The following DAB1 variants were observed in gnomAD, a reference collection of about 807,000 sequenced individuals.
The protein encoded by DAB1 is disabled homolog 1.
Under a neutral mutation model 64.6 loss-of-function variants are expected in DAB1, and 15 were observed. The observed-to-expected ratio is 0.23, with a 90% CI of 0.16 to 0.36. DAB1 has a LOEUF of 0.36. Ranked by LOEUF, DAB1 falls within the 10% of genes least tolerant of loss-of-function variation. The pLI, the probability that DAB1 is intolerant of heterozygous loss-of-function variation, is 1.00. For synonymous variants in DAB1, 235 were observed against 251.9 expected (o/e 0.93, Z 0.64); for missense variants, 596 against 706.7 (o/e 0.84, Z 1.78).
At chr1:57,141,658 T>C (rs1457616672) in intron 3 of DAB1, among the ~76,000 whole-genome samples, 1 of 152,174 alleles carries the variant, frequency 6.6e-6, no homozygotes, top group Non-Finnish European at 1.5e-5. Context: ...CTGACTGACA[T>C]ACTTAAGGTT....
At chr1:57,435,529 T>C (rs1685663683) in intron 7 of DAB1, among the ~76,000 whole-genome samples, 1 of 152,184 alleles carries the variant, frequency 6.6e-6, no homozygotes, top group South Asian at 2.1e-4. Context: ...CTTTTTTCTA[T>C]TTTTAAATTT....
At position 58,321,129 on chromosome 1, in the gene DAB1, C is replaced by G. The variant is rs547580879; in HGVS notation, n.309+22223G>C. The stretch of plus-strand genomic sequence containing the variant: ...GAGTCACCTCATCATCCCCTCTTGC[C>G]TTCTCAGAGCCTCCATTAACTATGG... On this transcript the variant is annotated intron_variant and non_coding_transcript_variant, in intron 4 of 20. Coordinates refer to the DAB1 transcript ENST00000485760. Among the ~76,000 whole-genome samples the G allele has an allele frequency of 1.9e-4, 29 of 152,314 alleles. No homozygotes were observed. In the South Asian group the frequency reaches 3.3e-3, roughly 17 times the overall value.
chr1:58,228,482 A>T (rs1425705069), intron 4 of DAB1, among the ~76,000 whole-genome samples: 2 of 151,982 alleles, frequency 1.3e-5, no homozygotes. Flanking sequence ...GCCTTTGGGG[A>T]CAGAGTCAGA....
chr1:57,334,391 A>G (rs1004590714), intron 1 of DAB1, among the ~76,000 whole-genome samples: 1 of 152,204 alleles, frequency 6.6e-6, no homozygotes, highest in Non-Finnish European at 1.5e-5. Flanking sequence ...CTTTTTCTGT[A>G]TGTGAAGCTT....
At chr1:57,287,438 G>A (rs1422627700) in intron 2 of DAB1, among the ~76,000 whole-genome samples, 3 of 152,122 alleles carry the variant, frequency 2.0e-5, no homozygotes, top group East Asian at 1.9e-4. Flanking sequence ...AATCAGGAAC[G>A]AGATAAGGAC....
At chr1:58,099,991 C>T (rs1431575404) in intron 5 of DAB1, among the ~76,000 whole-genome samples, 1 of 152,180 alleles carries the variant, frequency 6.6e-6, no homozygotes, top group African/African-American at 2.4e-5. Context: ...TCAGCAATTC[C>T]TTCCATTTAA....
chr1:57,970,150 C>T (rs1645763668), intron 5 of DAB1, among the ~76,000 whole-genome samples: 1 of 152,152 alleles, frequency 6.6e-6, no homozygotes, highest in African/African-American at 2.4e-5. Context: ...CTTCCAGCCT[C>T]CATAACTATG....
At chr1:57,679,290 T>C (rs896205752) in intron 6 of DAB1, among the ~76,000 whole-genome samples, 21 of 152,274 alleles carry the variant, frequency 1.4e-4, no homozygotes, top group African/African-American at 5.1e-4. Context: ...ATAAAGAAAC[T>C]AAGATTCCTC....
intron 6 of DAB1, among the ~76,000 whole-genome samples, chr1:57,658,536 C>T: frequency 6.6e-6 from 1 of 151,732 alleles, no homozygotes; most frequent in South Asian, 2.1e-4. Context: ...ATCTCCTGAC[C>T]TTGTGATCCA....
At position 57,438,885 on chromosome 1, in the gene DAB1, T is replaced by C. The variant is rs936251458; in HGVS notation, n.626-147719A>G. Among the ~76,000 whole-genome samples the C allele has an allele frequency of 3.3e-4, 50 of 152,208 alleles. 1 individual carries two copies. The highest frequency in any genetic ancestry group is 1.8e-4 in the Non-Finnish European group (12 of 68,032). ...CAGTTGCCTCTTACTTTAGCATTCA[T>C]CCTACTCATCTCTACCTCATTTCCT... is the stretch of plus-strand genomic sequence containing the variant. On this transcript the variant is annotated intron_variant and non_coding_transcript_variant, in intron 7 of 20. Transcript: ENST00000485760.
chr1:58,029,562 A>G (rs1359074990), intron 5 of DAB1, among the ~76,000 whole-genome samples: 1 of 152,244 alleles, frequency 6.6e-6, no homozygotes, highest in Non-Finnish European at 1.5e-5. Context: ...AAGAGGCCAG[A>G]CTCATCCAAC....
intron 6 of DAB1, among the ~76,000 whole-genome samples, chr1:57,814,302 T>A (rs1323048538): frequency 6.6e-6 from 1 of 152,210 alleles, no homozygotes; most frequent in East Asian, 1.9e-4. Context: ...TGGCCACACA[T>A]CAAGTTTTTA....
At chr1:57,974,093 A>C (rs541210976) in intron 5 of DAB1, among the ~76,000 whole-genome samples, 4 of 152,086 alleles carry the variant, frequency 2.6e-5, no homozygotes, top group Admixed American at 2.6e-4. Context: ...CTCATGAAAC[A>C]CGCCAAGCTC....
chr1:57,285,774 C>A (rs946673049), intron 2 of DAB1, among the ~76,000 whole-genome samples: 4 of 152,198 alleles, frequency 2.6e-5, no homozygotes, highest in Non-Finnish European at 5.9e-5. Flanking sequence ...CACTAAGCTG[C>A]CAGATGGCAC....
chr1:58,512,554 A>AT (rs1646095818), intron 2 of DAB1, among the ~76,000 whole-genome samples: 1 of 152,216 alleles, frequency 6.6e-6, no homozygotes, highest in African/African-American at 2.4e-5. Flanking sequence ...ATACATCAAA[A>AT]TATTATTTGG....
At chr1:57,838,398 C>T (rs1176030671) in intron 1 of DAB1, among the ~76,000 whole-genome samples, 1 of 151,700 alleles carries the variant, frequency 6.6e-6, no homozygotes, top group Non-Finnish European at 1.5e-5. Context: ...TAATTTTCAT[C>T]TTGAGTTTTA....
intron 7 of DAB1, among the ~76,000 whole-genome samples, chr1:57,606,688 G>T (rs58260803): frequency 8.4e-6 from 1 of 119,086 alleles, no homozygotes; most frequent in Non-Finnish European, 1.7e-5. Context: ...TATTATGTAT[G>T]AAATATATAT....
At chr1:57,393,882 G>A (rs1384148598) in intron 1 of DAB1, among the ~76,000 whole-genome samples, 1 of 152,124 alleles carries the variant, frequency 6.6e-6, no homozygotes, top group Non-Finnish European at 1.5e-5. Context: ...AATCTTTGCA[G>A]AAAAAGGTTC....
At position 57,184,866 on chromosome 1, in the gene DAB1, C is replaced by T. The variant is rs565324662; in HGVS notation, c.68-39437G>A. On this transcript the variant is annotated intron_variant, in intron 2 of 14. Transcript: ENST00000371236. Reference sequence around the variant, plus strand: ...AAGGATGGCTTCTCCCCAACTCAACCAGTTATGCTCTCACCCACTGAACTC... The same window carrying T: ...AAGGATGGCTTCTCCCCAACTCAACTAGTTATGCTCTCACCCACTGAACTC... 2.0e-5 allele frequency among the ~76,000 whole-genome samples: 3 copies of T among 152,258 alleles called. No homozygotes were observed. In the South Asian group the frequency reaches 6.2e-4, roughly 32 times the overall value.
Sources: gnomAD v4.1 joint callset for allele counts (sites outside exome capture counted in the v4.1 genomes callset) on GRCh38, gnomAD v4.1.1 for gene constraint, MANE v1.5 for transcripts, NCBI Gene and HGNC (gene_info 2026-07-23, HGNC 2026-07-21) for gene names.